Variants in RIC3 observed in about 807,000 individuals in gnomAD.
RIC3 encodes the protein protein RIC-3.
In RIC3, 28 loss-of-function variants were observed where a neutral mutation model predicts 27.3. The ratio of observed to expected loss-of-function variants is 1.02; its 90% confidence interval spans 0.76 to 1.41. The LOEUF is 1.41. Among genes scored for constraint, RIC3 ranks in the 40% most tolerant of loss-of-function variants. RIC3 has a pLI of 0.00. For missense variants in RIC3, 501 were observed against 444.7 expected (o/e 1.13, Z -1.14); for synonymous variants, 184 against 160.4 (o/e 1.15, Z -1.11).
At chr11:8,097,707 C>T in the RIC3 span, 33 of 1,610,100 alleles carry the variant, frequency 2.0e-5, no homozygotes, top group Non-Finnish European at 2.7e-5. Flanking sequence ...TCATTCCACT[C>T]CCCAAGGTGT....
At chr11:8,112,754 C>A (rs1945418314) in intron 5 of RIC3, among the ~76,000 whole-genome samples, 1 of 152,190 alleles carries the variant, frequency 6.6e-6, no homozygotes, top group Admixed American at 6.5e-5. Flanking sequence ...CATATAGCTA[C>A]ATAACTGACA....
chr11:8,097,971 T>G, the RIC3 span: 6 of 654,252 alleles, frequency 9.2e-6, no homozygotes, highest in Non-Finnish European at 5.3e-6. Flanking sequence ...CACATCCAAC[T>G]GGAGGCCTAT....
intron 5 of RIC3, among the ~76,000 whole-genome samples, chr11:8,126,349 G>C (rs375737796): frequency 1.3e-5 from 2 of 152,274 alleles, no homozygotes; most frequent in East Asian, 1.9e-4. Flanking sequence ...AGTATATGCA[G>C]TATGATCACT....
chr11:8,094,203 C>T, the RIC3 span: 1 of 1,601,028 alleles, frequency 6.2e-7, no homozygotes, highest in Non-Finnish European at 8.5e-7. Flanking sequence ...AGCTCACATT[C>T]TCTACAGCCC....
chr11:8,125,786 C>G (rs919803145), intron 5 of RIC3, among the ~76,000 whole-genome samples: 1 of 152,204 alleles, frequency 6.6e-6, no homozygotes, highest in Non-Finnish European at 1.5e-5. Context: ...CACCTATAAT[C>G]CCAGCACTTT....
At chr11:8,093,339 G>A in the RIC3 span, among the ~76,000 whole-genome samples, 2 of 152,152 alleles carry the variant, frequency 1.3e-5, no homozygotes, top group East Asian at 1.9e-4. Flanking sequence ...AGCCTGGTGT[G>A]GCTGCAACTC....
chr11:8,149,161 C>T (rs887789711), intron 1 of RIC3, among the ~76,000 whole-genome samples: 1 of 151,422 alleles, frequency 6.6e-6, no homozygotes, highest in Non-Finnish European at 1.5e-5. Context: ...CCACTGCACT[C>T]CAGCCTGGGT....
chr11:8,153,473 G>T, intron 1 of RIC3: 1 of 443,588 alleles, frequency 2.3e-6, no homozygotes, highest in Non-Finnish European at 4.5e-6. Flanking sequence ...AATAAATATT[G>T]GATTAATCTG....
chr11:8,127,263 T>C (rs1947098880), intron 4 of RIC3, among the ~76,000 whole-genome samples: 1 of 152,242 alleles, frequency 6.6e-6, no homozygotes, highest in South Asian at 2.1e-4. Flanking sequence ...TTTATGCTAC[T>C]AGAATCACCA....
At chr11:8,103,041 T>C (rs1196736350), downstream of RIC3, 2 of 152,278 alleles carry the variant, frequency 1.3e-5, no homozygotes, top group African/African-American at 4.8e-5. Context: ...GTTGTCTGGC[T>C]TTTTGCACGT....
chr11:8,151,725 C>T (rs1950251984), intron 1 of RIC3, among the ~76,000 whole-genome samples: 1 of 151,424 alleles, frequency 6.6e-6, no homozygotes, highest in Non-Finnish European at 1.5e-5. Context: ...ACCAGCCTGG[C>T]CAACATGGTG....
At chr11:8,128,900 G>A (rs1284553609) in intron 4 of RIC3, among the ~76,000 whole-genome samples, 1 of 151,714 alleles carries the variant, frequency 6.6e-6, no homozygotes, top group African/African-American at 2.4e-5. Context: ...GACTACAGGC[G>A]CCAGCCACCT....
At chr11:8,166,787 T>C (rs1408770889) in intron 1 of RIC3, among the ~76,000 whole-genome samples, 1 of 151,618 alleles carries the variant, frequency 6.6e-6, no homozygotes, top group Non-Finnish European at 1.5e-5. Context: ...GAGGCTGAGG[T>C]GGGAGGATCA....
At chr11:8,097,225 T>C in the RIC3 span, 11 of 1,613,842 alleles carry the variant, frequency 6.8e-6, no homozygotes, top group Middle Eastern at 1.7e-4. Context: ...TGCATCCCCA[T>C]AGGAGGCAGC....
intron 5 of RIC3, among the ~76,000 whole-genome samples, chr11:8,120,592 G>T (rs1946327675): frequency 6.6e-6 from 1 of 151,982 alleles, no homozygotes; most frequent in African/African-American, 2.4e-5. Context: ...TGAGTTGATG[G>T]GTGGAGCAAA....
intron 1 of RIC3, among the ~76,000 whole-genome samples, chr11:8,163,550 T>C (rs141870220): frequency 6.6e-6 from 1 of 152,012 alleles, no homozygotes; most frequent in African/African-American, 2.4e-5. Flanking sequence ...ACAGTATCAA[T>C]ATACAAAAAC....
intron 1 of RIC3, among the ~76,000 whole-genome samples, chr11:8,167,381 G>C (rs997143236): frequency 6.6e-6 from 1 of 152,166 alleles, no homozygotes; most frequent in African/African-American, 2.4e-5. Context: ...GTCATCAGGG[G>C]AAGTCTCTCT....
At chr11:8,111,994 G>A (rs1294627980) in intron 5 of RIC3, among the ~76,000 whole-genome samples, 1 of 152,236 alleles carries the variant, frequency 6.6e-6, no homozygotes, top group Non-Finnish European at 1.5e-5. Flanking sequence ...GAACCCATTT[G>A]CCCATTATGA....
At chr11:8,151,575 A>G (rs1436024677) in intron 1 of RIC3, among the ~76,000 whole-genome samples, 4 of 138,740 alleles carry the variant, frequency 2.9e-5, no homozygotes, top group African/African-American at 8.3e-5. Flanking sequence ...GACAGAGTGA[A>G]ACTCCGTCTC....
Sources: gnomAD v4.1 joint callset for allele counts (sites outside exome capture counted in the v4.1 genomes callset) on GRCh38, gnomAD v4.1.1 for gene constraint, MANE v1.5 for transcripts, NCBI Gene and HGNC (gene_info 2026-07-23, HGNC 2026-07-21) for gene names.